ARSG: variants seen among roughly 807,000 people sequenced by gnomAD.
ARSG encodes arylsulfatase G.
A neutral mutation model predicts 50.5 loss-of-function variants in ARSG; 37 were observed. The ratio of observed to expected loss-of-function variants is 0.73; its 90% confidence interval spans 0.56 to 0.96. The LOEUF (loss-of-function observed/expected upper bound fraction) is 0.96, where lower values mean the gene tolerates loss of function less well. Ranked by LOEUF, ARSG falls within the 50% of genes least tolerant of loss-of-function variation. The pLI is 0.00. For missense variants in ARSG, 629 were observed against 675.3 expected, an observed-to-expected ratio of 0.93 and a Z score of 0.76; for synonymous variants, 225 against 254.6, an observed-to-expected ratio of 0.88 and a Z score of 1.11.
At position 68,420,186 on chromosome 17, in the gene ARSG, T is replaced by C. The variant is rs2082681323; in HGVS notation, c.1304-3T>C. On this transcript the variant is annotated splice_region_variant and splice_polypyrimidine_tract_variant and intron_variant, in intron 11 of 11. Coordinates refer to ENST00000621439, the MANE Select transcript of ARSG (RefSeq NM_001267727.2). The stretch of plus-strand genomic sequence containing the variant: ...GAGGCATTTGTTGTCATTCCCTCTC[T>C]AGGTGGAGCCAGGGCGTGTGATGGG... 1.2e-6 allele frequency: 2 copies of C among 1,613,584 alleles called. No individual in the cohort carries two copies. The highest frequency in any genetic ancestry group is 1.3e-5 in the African/African-American group (1 of 74,884).
intron 11 of ARSG, among the ~76,000 whole-genome samples, chr17:68,413,026 A>T (rs1304103899): frequency 6.6e-6 from 1 of 150,744 alleles, no homozygotes; most frequent in Non-Finnish European, 1.5e-5. Flanking sequence ...ATTCTTCTAA[A>T]TTTTTTTCAA....
At chr17:68,374,980 C>T (rs550154148) in intron 8 of ARSG, among the ~76,000 whole-genome samples, 1 of 152,180 alleles carries the variant, frequency 6.6e-6, no homozygotes, top group African/African-American at 2.4e-5. Flanking sequence ...TTTTCTATTC[C>T]TCCTATTTGT....
intron 2 of ARSG, among the ~76,000 whole-genome samples, chr17:68,331,223 T>TTCTC (rs2077742006): frequency 3.4e-5 from 1 of 29,784 alleles, no homozygotes; most frequent in Non-Finnish European, 5.8e-5. Context: ...CTTTCTTTCT[T>TTCTC]TCTTTCTTTG....
intron 6 of ARSG, among the ~76,000 whole-genome samples, chr17:68,364,325 C>G (rs1382193385): frequency 1.3e-5 from 2 of 152,116 alleles, no homozygotes; most frequent in Admixed American, 1.3e-4. Context: ...AAAAATCACC[C>G]TGAATTCCAT....
the ARSG span, among the ~76,000 whole-genome samples, chr17:68,447,906 T>C: frequency 4.7e-5 from 7 of 148,154 alleles, no homozygotes; most frequent in African/African-American, 1.5e-4. Context: ...GGCAGGAGAA[T>C]TGCTTGAACA....
At chr17:68,376,508 C>T (rs1014584959) in intron 8 of ARSG, among the ~76,000 whole-genome samples, 2 of 151,370 alleles carry the variant, frequency 1.3e-5, no homozygotes, top group Non-Finnish European at 3.0e-5. Flanking sequence ...CCAGGCTGGT[C>T]TGAAACTCCT....
downstream of ARSG, among the ~76,000 whole-genome samples, chr17:68,425,549 G>A (rs1417170122): frequency 6.6e-6 from 1 of 151,994 alleles, no homozygotes; most frequent in Non-Finnish European, 1.5e-5. Flanking sequence ...GTCTGCAACT[G>A]CTGGGGAGGT....
intron 1 of ARSG, among the ~76,000 whole-genome samples, chr17:68,297,681 G>A (rs1346155630): frequency 6.6e-6 from 1 of 152,138 alleles, no homozygotes; most frequent in Admixed American, 6.5e-5. Flanking sequence ...TGCCCAGGTT[G>A]GTCTGGAACT....
intron 9 of ARSG, among the ~76,000 whole-genome samples, chr17:68,392,998 A>C (rs1568568201): frequency 6.6e-6 from 1 of 152,228 alleles, no homozygotes; most frequent in Non-Finnish European, 1.5e-5. Context: ...AGCTGGTGAC[A>C]GGTAGAACGC....
chr17:68,356,688 C>A lies in ARSG; in HGVS notation c.588C>A (p.Tyr196Ter), dbSNP rs1253942262. 1.1e-5 allele frequency: 17 copies of A among 1,614,222 alleles called. No individual in the cohort carries two copies. Among genetic ancestry groups the A allele is most frequent in the Non-Finnish European group, 1.4e-5 (16 of 1,180,028 alleles). Residue 196 changes from tyrosine (Y) to a stop codon, truncating the protein, a stop_gained, in exon 6 of 12, where the codon TAC becomes TAA. Transcript: ENST00000621439. LOFTEE classifies it high-confidence loss of function. Reference sequence around the variant, plus strand: ...ACAGGAACCTTCAAAGAGACTGTTACACTGACGTGGCCCTCCCTCTTTATG... The same window carrying A: ...ACAGGAACCTTCAAAGAGACTGTTAAACTGACGTGGCCCTCCCTCTTTATG... ...GPSRNLQRDC[Y>*]TDVALPLYEN...
intron 11 of ARSG, among the ~76,000 whole-genome samples, chr17:68,411,280 T>G (rs1438325949): frequency 6.6e-6 from 1 of 152,374 alleles, no homozygotes; most frequent in African/African-American, 2.4e-5. Context: ...AATTTCCCTC[T>G]ACACACTGCT....
chr17:68,365,155 C>CA, intron 6 of ARSG, among the ~76,000 whole-genome samples: 1 of 152,086 alleles, frequency 6.6e-6, no homozygotes, highest in Non-Finnish European at 1.5e-5. Flanking sequence ...ACTAAAAATA[C>CA]AAAAATTAGC....
chr17:68,308,416 G>C (rs968339707), intron 2 of ARSG, among the ~76,000 whole-genome samples: 15 of 152,268 alleles, frequency 9.9e-5, no homozygotes, highest in African/African-American at 3.6e-4. Flanking sequence ...TTCACGGTGA[G>C]TGTTACAGTT....
chr17:68,389,928 T>G (rs78951219), intron 9 of ARSG, among the ~76,000 whole-genome samples: 8,210 of 152,022 alleles, frequency 0.054, 436 homozygotes, highest in East Asian at 0.14. Flanking sequence ...TCCACTCCCC[T>G]TTACCTACCC....
At chr17:68,355,656 G>A (rs1224127586) in intron 5 of ARSG, among the ~76,000 whole-genome samples, 1 of 151,966 alleles carries the variant, frequency 6.6e-6, no homozygotes, top group African/African-American at 2.4e-5. Context: ...TGCCTGGCCT[G>A]GTCTTGAACT....
Position 68,272,811 on chromosome 17 carries a change from C to G in ARSG, c.-552+13385C>G, listed in dbSNP as rs782553378. ...AAAAGCCAATGAGACCCACATACTG[C>G]TTGAGACTGGAAGGATGCATTAAAA... On this transcript the variant is annotated intron_variant, in intron 1 of 11. Coordinates refer to the ARSG transcript ENST00000448504. 7.5e-6 allele frequency: 12 copies of G among 1,608,944 alleles called. No homozygotes were observed. In the Admixed American group the frequency reaches 1.5e-4, roughly 20 times the overall value.
intron 11 of ARSG, among the ~76,000 whole-genome samples, chr17:68,411,363 G>A (rs1422166072): frequency 6.6e-6 from 1 of 152,152 alleles, no homozygotes; most frequent in African/African-American, 2.4e-5. Context: ...CTTTATTTCT[G>A]CCTTCATTTC....
intron 2 of ARSG, among the ~76,000 whole-genome samples, chr17:68,332,108 G>A (rs907338188): frequency 9.2e-5 from 14 of 152,288 alleles, no homozygotes; most frequent in South Asian, 2.1e-4. Context: ...CACTACGGGC[G>A]ACCGGGGATT....
At chr17:68,349,867 C>T (rs943272519) in intron 4 of ARSG, among the ~76,000 whole-genome samples, 5 of 152,096 alleles carry the variant, frequency 3.3e-5, no homozygotes, top group African/African-American at 1.2e-4. Flanking sequence ...GGGAGACAGA[C>T]TGAGACTCCG....
Sources: allele counts gnomAD v4.1 joint callset (sites outside exome capture counted in the v4.1 genomes callset), GRCh38; gene constraint gnomAD v4.1.1; transcripts MANE v1.5; gene names NCBI Gene and HGNC (gene_info 2026-07-23, HGNC 2026-07-21).